Variants in OR3A2 observed in about 807,000 individuals in gnomAD.
OR3A2 encodes the protein olfactory receptor family 3 subfamily A member 2.
For missense variants in OR3A2, 318 were observed against 392.8 expected (o/e 0.81, Z 1.61); for synonymous variants, 126 against 159.3 (o/e 0.79, Z 1.57).
At chr17:3,338,774 G>A (rs1178718092) in intron 2 of OR3A2, among the ~76,000 whole-genome samples, 1 of 152,108 alleles carries the variant, frequency 6.6e-6, no homozygotes, top group Non-Finnish European at 1.5e-5. Context: ...GGTTCCATAT[G>A]AACTTTAAAG....
At chr17:3,362,362 A>C (rs1164935038) in intron 2 of OR3A2, among the ~76,000 whole-genome samples, 1 of 151,698 alleles carries the variant, frequency 6.6e-6, no homozygotes, top group Non-Finnish European at 1.5e-5. Context: ...CTTTTCAAAA[A>C]AACCAGCTCC....
At chr17:3,310,594 T>C (rs1291002701) in intron 3 of OR3A2, 1 of 538,548 alleles carries the variant, frequency 1.9e-6, no homozygotes, top group Non-Finnish European at 3.8e-6. Context: ...GACAGAAGCA[T>C]TCCCTATAAG....
At chr17:3,313,801 T>C (rs1267732088) in intron 3 of OR3A2, among the ~76,000 whole-genome samples, 1 of 152,212 alleles carries the variant, frequency 6.6e-6, no homozygotes, top group Non-Finnish European at 1.5e-5. Context: ...AAGGACGGGA[T>C]CCATGTCTTA....
chr17:3,336,786 T>C (rs757026561), intron 2 of OR3A2, among the ~76,000 whole-genome samples: 8 of 152,234 alleles, frequency 5.3e-5, no homozygotes, highest in Non-Finnish European at 1.2e-4. Flanking sequence ...AATCAAGAAA[T>C]TGGGTATCAT....
chr17:3,371,733 G>A (rs1597362813), intron 2 of OR3A2, among the ~76,000 whole-genome samples: 1 of 141,520 alleles, frequency 7.1e-6, no homozygotes, highest in East Asian at 2.3e-4. Context: ...GGGGCAGCTG[G>A]CCGGGCAGAG....
At chr17:3,342,304 T>A (rs1319356251) in intron 2 of OR3A2, among the ~76,000 whole-genome samples, 2 of 152,234 alleles carry the variant, frequency 1.3e-5, no homozygotes, top group East Asian at 3.8e-4. Flanking sequence ...AGCTTTGTTC[T>A]GTTGCTGGCG....
At chr17:3,305,292 A>G (rs138417097) in intron 3 of OR3A2, among the ~76,000 whole-genome samples, 1 of 152,080 alleles carries the variant, frequency 6.6e-6, no homozygotes, top group African/African-American at 2.4e-5. Flanking sequence ...ACCTCTGTTA[A>G]CCACCAATCC....
chr17:3,299,847 C>T (rs1258900586), intron 3 of OR3A2, among the ~76,000 whole-genome samples: 2 of 152,114 alleles, frequency 1.3e-5, no homozygotes, highest in South Asian at 2.1e-4. Flanking sequence ...GAGGGTTGGT[C>T]TAAGAATTAA....
intron 3 of OR3A2, among the ~76,000 whole-genome samples, chr17:3,319,811 T>C (rs965541157): frequency 2.0e-5 from 3 of 152,214 alleles, no homozygotes; most frequent in African/African-American, 4.8e-5. Context: ...GTCTTTGCTA[T>C]TGTGAATAGT....
intron 3 of OR3A2, among the ~76,000 whole-genome samples, chr17:3,325,468 C>A (rs1022441245): frequency 2.0e-5 from 3 of 151,974 alleles, no homozygotes; most frequent in Non-Finnish European, 4.4e-5. Context: ...CCTTGGCCTC[C>A]CAAAGTGCTG....
At chr17:3,327,849 C>G (rs981442538) in intron 3 of OR3A2, among the ~76,000 whole-genome samples, 1 of 137,926 alleles carries the variant, frequency 7.3e-6, no homozygotes, top group East Asian at 2.2e-4. Flanking sequence ...TCAGGTTTGT[C>G]AAAGATCAGA....
chr17:3,349,933 C>A (rs1241817771), intron 2 of OR3A2, among the ~76,000 whole-genome samples: 1 of 151,758 alleles, frequency 6.6e-6, no homozygotes, highest in African/African-American at 2.4e-5. Context: ...TGAATGACTA[C>A]TGGGTACATA....
intron 2 of OR3A2, among the ~76,000 whole-genome samples, chr17:3,371,640 A>C (rs1272146241): frequency 4.3e-4 from 37 of 86,164 alleles, no homozygotes; most frequent in South Asian, 2.1e-3. Context: ...CCAGTAGGGG[A>C]GGCCGGGCAG....
intron 2 of OR3A2, among the ~76,000 whole-genome samples, chr17:3,371,050 C>G (rs1211643547): frequency 3.9e-5 from 6 of 151,998 alleles, no homozygotes; most frequent in African/African-American, 4.8e-5. Flanking sequence ...TCCGATTTCT[C>G]AATCTTTTCC....
At chr17:3,376,159 T>C (rs1441671903) in intron 2 of OR3A2, among the ~76,000 whole-genome samples, 2 of 152,250 alleles carry the variant, frequency 1.3e-5, no homozygotes, top group Non-Finnish European at 2.9e-5. Context: ...AATGAGATAT[T>C]GTTTTCTCCT....
intron 2 of OR3A2, among the ~76,000 whole-genome samples, chr17:3,353,400 T>C (rs1166847585): frequency 6.6e-6 from 1 of 151,936 alleles, no homozygotes; most frequent in Non-Finnish European, 1.5e-5. Context: ...CTATGTTGAA[T>C]AACAATAGTG....
chr17:3,336,043 G>A (rs898948042), exon 3 of OR3A2: 5 of 152,248 alleles, frequency 3.3e-5, no homozygotes, highest in South Asian at 2.1e-4. Context: ...CATTCCTGCC[G>A]GAACACGCAG....
chr17:3,317,042 G>C (rs2049086723), intron 3 of OR3A2, among the ~76,000 whole-genome samples: 1 of 152,150 alleles, frequency 6.6e-6, no homozygotes. Context: ...AGACTGCAGG[G>C]ATTAAGAGAC....
upstream of OR3A2, among the ~76,000 whole-genome samples, chr17:3,286,523 C>G (rs143426394): frequency 5.0e-3 from 759 of 152,272 alleles, 4 homozygotes; most frequent in African/African-American, 0.017. Flanking sequence ...TTAGTTTACA[C>G]TCCCACCAAC....
Sources: gnomAD v4.1 joint callset for allele counts (sites outside exome capture counted in the v4.1 genomes callset) on GRCh38, gnomAD v4.1.1 for gene constraint, MANE v1.5 for transcripts, NCBI Gene and HGNC (gene_info 2026-07-23, HGNC 2026-07-21) for gene names.